LLPH: variants seen among roughly 807,000 people sequenced by gnomAD.
LLPH encodes the protein protein LLP homolog.
In LLPH, 5 loss-of-function variants were observed where a neutral mutation model predicts 13.3. The observed-to-expected ratio is 0.38, with a 90% CI of 0.20 to 0.79. LLPH has a LOEUF of 0.79. Among genes scored for constraint, LLPH ranks in the 30% least tolerant of loss-of-function variants. The probability of loss-of-function intolerance (pLI) is 0.45; values close to 1 mark genes in which losing one functional copy is unlikely to be tolerated. For missense variants in LLPH, 129 were observed against 152.1 expected, an observed-to-expected ratio of 0.85 and a Z score of 0.80; for synonymous variants, 32 against 44.2, an observed-to-expected ratio of 0.72 and a Z score of 1.09.
rs2051469343 is a variant in LLPH at position 66,122,487 on chromosome 12, CAGTA to C, written c.*1349_*1352del. On this transcript the variant is annotated 3_prime_UTR_variant, in exon 3 of 3. Coordinates refer to ENST00000266604, the MANE Select transcript of LLPH (RefSeq NM_032338.4). ...GTCCCTGGCCCACATACTAGGCACT[CAGTA>C]AGTATTTGGTTGTTCCAGTTAACAT... 1.3e-5 allele frequency: 2 copies of C among 152,098 alleles called. No individual in the cohort carries two copies. Among genetic ancestry groups the C allele is most frequent in the African/African-American group, 2.4e-5 (1 of 41,406 alleles). 9.4% of individuals were successfully genotyped at this position (152,098 alleles called of 1,614,324 possible). A position where few individuals can be genotyped will look rare whatever the true frequency, so the allele number is the denominator to read the frequency against.
At position 66,122,538 on chromosome 12, in the gene LLPH, T is replaced by C. The variant is rs546971050; in HGVS notation, c.*1302A>G. On this transcript the variant is annotated 3_prime_UTR_variant, in exon 3 of 3. Transcript: ENST00000266604. ...ACATATGAGATGGTTAATCTGATTA[T>C]AGTGAAATTCAGAGGGAATGCTAAG... 3.9e-5 allele frequency: 6 copies of C among 152,332 alleles called. No individual in the cohort carries two copies. Among genetic ancestry groups the C allele is most frequent in the African/African-American group, 1.4e-4 (6 of 41,580 alleles). The allele number at this position is 152,332 out of a possible 1,614,324, so 9.4% of individuals were successfully genotyped here.
chr12:66,117,587 C>T lies in LLPH; in HGVS notation c.*6253G>A, dbSNP rs1285552631. 1 of 152,200 alleles carries T rather than the reference C, an allele frequency of 6.6e-6. No homozygotes were observed. Among genetic ancestry groups the T allele is most frequent in the Non-Finnish European group, 1.5e-5 (1 of 68,038 alleles). The allele number at this position is 152,200 out of a possible 1,614,324, so 9.4% of individuals were successfully genotyped here. ...ATAATGACTACGGTTTATGGCTTTA[C>T]TATACTTTTTATTTTAGAGTGTACT... On this transcript the variant is annotated 3_prime_UTR_variant, in exon 3 of 3. Transcript: ENST00000266604.
In LLPH at chr12:66,120,196, T is replaced by C. The variant is rs932104163; in HGVS notation, c.*3644A>G. 1 of 152,258 alleles carries C rather than the reference T, an allele frequency of 6.6e-6. No homozygotes were observed. The highest frequency in any genetic ancestry group is 1.5e-5 in the Non-Finnish European group (1 of 68,052). 9.4% of individuals were successfully genotyped at this position (152,258 alleles called of 1,614,324 possible). A position where few individuals can be genotyped will look rare whatever the true frequency, so the allele number is the denominator to read the frequency against. ...AGGCCTAGAGATTTGAGGAGGGTTC[T>C]GTACATCATTATTCTACTTAAACCT... On this transcript the variant is annotated 3_prime_UTR_variant, in exon 3 of 3. Coordinates refer to ENST00000266604, the MANE Select transcript of LLPH (RefSeq NM_032338.4).
chr12:66,121,701 A>G lies in LLPH; in HGVS notation c.*2139T>C, dbSNP rs766832178. The G allele has an allele frequency of 2.6e-5, 4 of 151,700 alleles. No homozygotes were observed. The highest frequency in any genetic ancestry group is 4.8e-5 in the African/African-American group (2 of 41,320). The allele number at this position is 151,700 out of a possible 1,614,324, so 9.4% of individuals were successfully genotyped here. A position where few individuals can be genotyped will look rare whatever the true frequency, so the allele number is the denominator to read the frequency against. On this transcript the variant is annotated 3_prime_UTR_variant, in exon 3 of 3. Transcript: ENST00000266604. ...GGAGTTTGAGACCAGCCTGGGCAAC[A>G]TGGCGAAACCCTGTCTCTACAAAAA...
chr12:66,116,809 T>C lies in LLPH; in HGVS notation c.*7031A>G, dbSNP rs1372657942. On this transcript the variant is annotated 3_prime_UTR_variant, in exon 3 of 3. Coordinates refer to ENST00000266604, the MANE Select transcript of LLPH (RefSeq NM_032338.4). Reference sequence around the variant, plus strand: ...TTATAAAGCTATGCCATTCTTTAAATGAAAACTTGAAGGACTTTACTCCAT... The same window carrying C: ...TTATAAAGCTATGCCATTCTTTAAACGAAAACTTGAAGGACTTTACTCCAT... The C allele has an allele frequency of 6.6e-6, 1 of 152,236 alleles. No individual in the cohort carries two copies. The highest frequency in any genetic ancestry group is 1.5e-5 in the Non-Finnish European group (1 of 68,028). The allele number at this position is 152,236 out of a possible 1,614,324, so 9.4% of individuals were successfully genotyped here. A position where few individuals can be genotyped will look rare whatever the true frequency, so the allele number is the denominator to read the frequency against.
chr12:66,124,912 A>G (rs1398938987), intron 2 of LLPH, among the ~76,000 whole-genome samples: 1 of 152,194 alleles, frequency 6.6e-6, no homozygotes, highest in African/African-American at 2.4e-5. Context: ...AACCTCAGCC[A>G]GGTATAGTAT....
chr12:66,118,363 CAA>C lies in LLPH; in HGVS notation c.*5475_*5476del, dbSNP rs34661421. On this transcript the variant is annotated 3_prime_UTR_variant, in exon 3 of 3. Coordinates refer to ENST00000266604, the MANE Select transcript of LLPH (RefSeq NM_032338.4). ...GGGCAACAAGAGTGAAACTCCGTCT[CAA>C]AAAAAAAAAAAAAAAATATACAGCA... 14 of 119,704 alleles carry C rather than the reference CAA, an allele frequency of 1.2e-4. No homozygotes were observed. The highest frequency in any genetic ancestry group is 2.7e-4 in the Admixed American group (3 of 10,980). The allele number at this position is 119,704 out of a possible 1,614,324, so 7.4% of individuals were successfully genotyped here.
chr12:66,123,104 G>C lies in LLPH; in HGVS notation c.*736C>G. On this transcript the variant is annotated 3_prime_UTR_variant, in exon 3 of 3. Coordinates refer to ENST00000266604, the MANE Select transcript of LLPH (RefSeq NM_032338.4). ...ATATCTTTTATTCTGTGGAATCAAAGCTCCACACAAGTACTTTATAAGATC... is the reference window on the plus strand; with the variant it reads ...ATATCTTTTATTCTGTGGAATCAAACCTCCACACAAGTACTTTATAAGATC... 1 of 151,142 alleles carries C rather than the reference G, an allele frequency of 6.6e-6. No individual in the cohort carries two copies. Among genetic ancestry groups the C allele is most frequent in the Non-Finnish European group, 1.5e-5 (1 of 67,850 alleles). The allele number at this position is 151,142 out of a possible 1,614,324, so 9.4% of individuals were successfully genotyped here.
At chr12:66,130,231 A>T (rs532874188) in intron 1 of LLPH, among the ~76,000 whole-genome samples, 47 of 152,188 alleles carry the variant, frequency 3.1e-4, no homozygotes, top group African/African-American at 1.1e-3. Context: ...AAGTGTTACA[A>T]CCTGAAACCA....
intron 2 of LLPH, 125 bp downstream of exon 2, chr12:66,128,771 A>C (rs1453497926): frequency 4.4e-6 from 3 of 680,788 alleles, no homozygotes; most frequent in Non-Finnish European, 5.0e-6. Flanking sequence ...GCTTCAGCTC[A>C]GGAATTCAAG....
At chr12:66,127,357 G>A (rs188385552) in intron 2 of LLPH, among the ~76,000 whole-genome samples, 1 of 152,318 alleles carries the variant, frequency 6.6e-6, no homozygotes, top group African/African-American at 2.4e-5. Flanking sequence ...ACTGATATAT[G>A]CTACAATGTG....
rs1455896240 is a variant in LLPH, at chr12:66,121,881, C to T, written c.*1959G>A. On this transcript the variant is annotated 3_prime_UTR_variant, in exon 3 of 3. Coordinates refer to ENST00000266604, the MANE Select transcript of LLPH (RefSeq NM_032338.4). ...CCTGGGTGACAGAGTGAGACCCCAT[C>T]TCAAAAAAAAAAAAAAAAAAAACAT... 4.5e-5 allele frequency: 4 copies of T among 89,654 alleles called. No homozygotes were observed. The highest frequency in any genetic ancestry group is 9.2e-5 in the Non-Finnish European group (4 of 43,524). 5.6% of individuals were successfully genotyped at this position (89,654 alleles called of 1,614,324 possible).
chr12:66,127,299 C>T (rs1292511631), intron 2 of LLPH, among the ~76,000 whole-genome samples: 4 of 152,162 alleles, frequency 2.6e-5, no homozygotes, highest in Admixed American at 6.5e-5. Flanking sequence ...GGATATGAAA[C>T]GTGGTACATG....
Position 66,122,739 on chromosome 12 carries a change from A to G in LLPH, c.*1101T>C, listed in dbSNP as rs1480075125. On this transcript the variant is annotated 3_prime_UTR_variant, in exon 3 of 3. Coordinates refer to ENST00000266604, the MANE Select transcript of LLPH (RefSeq NM_032338.4). ...AATCCTAAACTAAAATCTTTTGTAA[A>G]TCTTCAAGTATGTAGCATTTCCCAA... 2.0e-5 allele frequency: 3 copies of G among 152,158 alleles called. No individual in the cohort carries two copies. Among genetic ancestry groups the G allele is most frequent in the Non-Finnish European group, 4.4e-5 (3 of 68,040 alleles). The allele number at this position is 152,158 out of a possible 1,614,324, so 9.4% of individuals were successfully genotyped here.
In LLPH at chr12:66,117,523, A is replaced by G. The variant is rs1474026012; in HGVS notation, c.*6317T>C. The G allele has an allele frequency of 6.6e-6, 1 of 152,266 alleles. No individual in the cohort carries two copies. The highest frequency in any genetic ancestry group is 2.4e-5 in the African/African-American group (1 of 41,472). 9.4% of individuals were successfully genotyped at this position (152,266 alleles called of 1,614,324 possible). A position where few individuals can be genotyped will look rare whatever the true frequency, so the allele number is the denominator to read the frequency against. ...ACTGTGCTGTCAGTCATATAAAGGTATAGCACATACAATTATGTACAGTTC... is the reference window on the plus strand; with the variant it reads ...ACTGTGCTGTCAGTCATATAAAGGTGTAGCACATACAATTATGTACAGTTC... On this transcript the variant is annotated 3_prime_UTR_variant, in exon 3 of 3. Transcript: ENST00000266604.
At chr12:66,130,105 T>C (rs1157470117) in intron 1 of LLPH, among the ~76,000 whole-genome samples, 1 of 152,194 alleles carries the variant, frequency 6.6e-6, no homozygotes, top group East Asian at 1.9e-4. Context: ...TCTACGTCAG[T>C]GCCTTCATAT....
chr12:66,126,509 A>G (rs764905049), intron 2 of LLPH, among the ~76,000 whole-genome samples: 4 of 152,192 alleles, frequency 2.6e-5, no homozygotes, highest in Non-Finnish European at 5.9e-5. Flanking sequence ...GGCATCTGGT[A>G]TCTAGAACAT....
At chr12:66,126,062 C>T (rs966814426) in intron 2 of LLPH, among the ~76,000 whole-genome samples, 24 of 152,268 alleles carry the variant, frequency 1.6e-4, no homozygotes, top group Admixed American at 5.2e-4. Context: ...CAGTGGCTCA[C>T]GCCTGTAATC....
In LLPH at chr12:66,123,536, A is replaced by T. The variant is rs1301863905; in HGVS notation, c.*304T>A. The T allele has an allele frequency of 1.6e-5, 5 of 314,728 alleles. No individual in the cohort carries two copies. Among genetic ancestry groups the T allele is most frequent in the African/African-American group, 1.1e-4 (5 of 46,484 alleles). 19.5% of individuals were successfully genotyped at this position (314,728 alleles called of 1,614,324 possible). A position where few individuals can be genotyped will look rare whatever the true frequency, so the allele number is the denominator to read the frequency against. ...TTTATCTCTATTGACTATAATTACCAGTTGTAAGAACAATTCTAACCATAT... is the reference window on the plus strand; with the variant it reads ...TTTATCTCTATTGACTATAATTACCTGTTGTAAGAACAATTCTAACCATAT... On this transcript the variant is annotated 3_prime_UTR_variant, in exon 3 of 3. Coordinates refer to ENST00000266604, the MANE Select transcript of LLPH (RefSeq NM_032338.4).
Sources: allele counts gnomAD v4.1 joint callset (sites outside exome capture counted in the v4.1 genomes callset), GRCh38; gene constraint gnomAD v4.1.1; transcripts MANE v1.5; gene names NCBI Gene and HGNC (gene_info 2026-07-23, HGNC 2026-07-21).